MRPL14: variants seen among roughly 807,000 people sequenced by gnomAD.
MRPL14 encodes the protein large ribosomal subunit protein uL14m.
A neutral mutation model predicts 10.9 loss-of-function variants in MRPL14; 8 were observed. The ratio of observed to expected loss-of-function variants is 0.74; its 90% CI spans 0.43 to 1.33. The LOEUF (loss-of-function observed/expected upper bound fraction) is 1.33, where lower values mean the gene tolerates loss of function less well. Among genes scored for constraint, MRPL14 ranks in the 40% most tolerant of loss-of-function variants. MRPL14 has a pLI of 0.01. For synonymous variants in MRPL14, 82 were observed against 74.1 expected, an observed-to-expected ratio of 1.11 and a Z score of -0.54; for missense variants, 179 against 194.5, an observed-to-expected ratio of 0.92 and a Z score of 0.47.
chr6:44,122,631 T>C (rs1435336458), intron 1 of MRPL14, among the ~76,000 whole-genome samples: 3 of 152,126 alleles, frequency 2.0e-5, no homozygotes, highest in Non-Finnish European at 2.9e-5. Context: ...TACTTAGATA[T>C]GATAGAAAAA....
chr6:44,120,819 G>A (rs1005898890), intron 1 of MRPL14, among the ~76,000 whole-genome samples: 6 of 152,238 alleles, frequency 3.9e-5, no homozygotes, highest in East Asian at 1.9e-4. Context: ...ATCCAGAAAC[G>A]GCAGAGCTCT....
At chr6:44,115,385 C>G (rs1469614630) in intron 2 of MRPL14, among the ~76,000 whole-genome samples, 1 of 152,156 alleles carries the variant, frequency 6.6e-6, no homozygotes. Flanking sequence ...TGCAAACCTC[C>G]GCCTGCTGCT....
rs551186506 is a variant in MRPL14, at chr6:44,120,964, C to T, written c.-18-4335G>A. ...CCTCCTGGGCCTGGTGCCTACACTG[C>T]CTACTATGGAAAATGCCTGATCCCA... is the stretch of plus-strand genomic sequence containing the variant. On this transcript the variant is annotated intron_variant, in intron 1 of 2. Transcript: ENST00000372014. 8.5e-5 allele frequency among the ~76,000 whole-genome samples: 13 copies of T among 152,248 alleles called. No homozygotes were observed. The South Asian group carries it at 2.5e-3, about 29-fold the overall frequency.
rs141941221 is a variant in MRPL14, at chr6:44,114,029, C to T, written c.252G>A (p.Ala84=). ...CAGGCATGCAGTGCCCCACAATGAG[C>T]GCCTTTTTCTTCTGTCCCTTGATGG... is the stretch of plus-strand genomic sequence containing the variant. ...LLAIKGQKKK[A]LIVGHCMPGP... is the part of the protein sequence containing the mutation. Residue 84 remains alanine (A), a synonymous_variant, in exon 3 of 3, where the codon GCG becomes GCA. Transcript: ENST00000372014. The T allele has an allele frequency of 2.4e-5, 39 of 1,614,174 alleles. No homozygotes were observed. Among genetic ancestry groups the T allele is most frequent in the Middle Eastern group, 1.7e-4 (1 of 6,060 alleles).
At chr6:44,121,309 C>G (rs773307331) in intron 1 of MRPL14, among the ~76,000 whole-genome samples, 30 of 132,522 alleles carry the variant, frequency 2.3e-4, no homozygotes, top group Non-Finnish European at 3.6e-4. Context: ...GTATTACCCT[C>G]CTGTTTTAGA....
intron 1 of MRPL14, among the ~76,000 whole-genome samples, chr6:44,123,188 G>T (rs1776617373): frequency 2.0e-5 from 3 of 152,168 alleles, no homozygotes; most frequent in Admixed American, 2.0e-4. Flanking sequence ...AAATAGTTCT[G>T]CAGGCTCCAC....
In MRPL14 at chr6:44,127,366, C is replaced by G. The variant is rs949220458; in HGVS notation, c.-41G>C. The G allele has an allele frequency of 1.3e-5, 2 of 152,576 alleles. No homozygotes were observed. Among genetic ancestry groups the G allele is most frequent in the African/African-American group, 4.8e-5 (2 of 41,400 alleles). 9.5% of individuals were successfully genotyped at this position (152,576 alleles called of 1,614,324 possible). A position where few individuals can be genotyped will look rare whatever the true frequency, so the allele number is the denominator to read the frequency against. On this transcript the variant is annotated 5_prime_UTR_variant, in exon 1 of 3. Transcript: ENST00000372014. ...TACCGCTCTCGCCGCCCGGGAAAAT[C>G]CCGCCGCGGGCCCCACCAGCCAAGC...
chr6:44,125,179 C>T (rs6934109), intron 1 of MRPL14, among the ~76,000 whole-genome samples: 1,629 of 152,226 alleles, frequency 0.011, 34 homozygotes, highest in African/African-American at 0.037. Context: ...TCAAGGATTC[C>T]ACAAGGCACT....
At chr6:44,118,548 A>G (rs146356763) in intron 1 of MRPL14, among the ~76,000 whole-genome samples, 224 of 152,306 alleles carry the variant, frequency 1.5e-3, no homozygotes, top group African/African-American at 5.0e-3. Flanking sequence ...TTCACAGGAG[A>G]GCCCTGGGTG....
rs2128201649 is a variant in MRPL14 at position 44,123,603 on chromosome 6, C to G, written c.-19+3741G>C. 2.0e-5 allele frequency among the ~76,000 whole-genome samples: 3 copies of G among 152,346 alleles called. No homozygotes were observed. In the East Asian group the frequency reaches 5.8e-4, roughly 29 times the overall value. On this transcript the variant is annotated intron_variant, in intron 1 of 2. Coordinates refer to ENST00000372014, the MANE Select transcript of MRPL14 (RefSeq NM_032111.4). ...ATAGCATGATCAGCTGTTTCCACCACAGCTACCACTTAGAAAACCCCATTT... is the reference window on the plus strand; with the variant it reads ...ATAGCATGATCAGCTGTTTCCACCAGAGCTACCACTTAGAAAACCCCATTT...
At chr6:44,119,739 G>A (rs1369448263) in intron 1 of MRPL14, among the ~76,000 whole-genome samples, 1 of 152,120 alleles carries the variant, frequency 6.6e-6, no homozygotes, top group African/African-American at 2.4e-5. Context: ...CTTCTGAAAA[G>A]CAGAGTCCTT....
At chr6:44,114,378 T>A (rs983227837) in intron 2 of MRPL14, among the ~76,000 whole-genome samples, 169 bp from the exon 3 acceptor site, 1 of 152,230 alleles carries the variant, frequency 6.6e-6, no homozygotes, top group Non-Finnish European at 1.5e-5. Context: ...GACTTATCTG[T>A]ACCCACAACA....
At chr6:44,122,878 A>G (rs957224193) in intron 1 of MRPL14, among the ~76,000 whole-genome samples, 4 of 152,228 alleles carry the variant, frequency 2.6e-5, no homozygotes, top group African/African-American at 9.6e-5. Flanking sequence ...CTGTCCTGTC[A>G]TGCAAACACA....
intron 1 of MRPL14, among the ~76,000 whole-genome samples, chr6:44,118,891 G>A (rs1776128935): frequency 6.6e-6 from 1 of 152,172 alleles, no homozygotes; most frequent in Non-Finnish European, 1.5e-5. Context: ...TTGAATCCAG[G>A]AGGTGGAAGT....
intron 1 of MRPL14, among the ~76,000 whole-genome samples, chr6:44,121,933 T>C (rs1371344883): frequency 3.4e-5 from 3 of 88,666 alleles, no homozygotes; most frequent in South Asian, 3.3e-4. Context: ...AGTAAGACTG[T>C]CTCAAAAAAA....
Position 44,114,221 on chromosome 6 carries a change from A to G in MRPL14, c.72-12T>C, listed in dbSNP as rs1360379477. 1.4e-6 allele frequency: 2 copies of G among 1,453,756 alleles called. No individual in the cohort carries two copies. Among genetic ancestry groups the G allele is most frequent in the Non-Finnish European group, 1.9e-6 (2 of 1,079,850 alleles). 90.1% of individuals were successfully genotyped at this position (1,453,756 alleles called of 1,614,324 possible). On this transcript the variant is annotated splice_polypyrimidine_tract_variant and intron_variant, in intron 2 of 2. Coordinates refer to ENST00000372014, the MANE Select transcript of MRPL14 (RefSeq NM_032111.4). ...GACTCCCAGTGGTGCTGGTGGGAGG[A>G]AAAAAAAAAGTCTGCAGTCTGTATC... is the stretch of plus-strand genomic sequence containing the variant.
rs954394655 is a variant in MRPL14 at position 44,116,642 on chromosome 6, C to A, written c.-18-13G>T. 1 of 1,603,732 alleles carries A rather than the reference C, an allele frequency of 6.2e-7. No homozygotes were observed. Among genetic ancestry groups the A allele is most frequent in the Admixed American group, 1.7e-5 (1 of 59,716 alleles). On this transcript the variant is annotated splice_polypyrimidine_tract_variant and intron_variant, in intron 1 of 2. Coordinates refer to ENST00000372014, the MANE Select transcript of MRPL14 (RefSeq NM_032111.4). ...CCCAAGATAGATCCTGCAGGAAAAA[C>A]GAGAGGGGGAAAAATTGGTTTCTAA...
chr6:44,124,251 T>C (rs1164876677), intron 1 of MRPL14, among the ~76,000 whole-genome samples: 1 of 152,102 alleles, frequency 6.6e-6, no homozygotes, highest in Non-Finnish European at 1.5e-5. Context: ...ATATATCTCT[T>C]TCACTCCATC....
rs1205225099 is a variant in MRPL14, at chr6:44,114,049, T to G, written c.232A>C (p.Lys78Gln). 1 of 1,614,094 alleles carries G rather than the reference T, an allele frequency of 6.2e-7. No individual in the cohort carries two copies. Among genetic ancestry groups the G allele is most frequent in the Non-Finnish European group, 8.5e-7 (1 of 1,180,044 alleles). Residue 78 changes from lysine (K) to glutamine (Q), a missense_variant, in exon 3 of 3, where the codon AAG (lysine) becomes CAG (glutamine). By Grantham distance (53) the Lys-to-Gln change is moderately conservative. Coordinates refer to ENST00000372014, the MANE Select transcript of MRPL14 (RefSeq NM_032111.4). ...KVGDQILLAIKGQKKKALIVG... is the reference protein window; with the variant it reads ...KVGDQILLAIQGQKKKALIVG... Reference sequence around the variant, plus strand: ...ATGAGCGCCTTTTTCTTCTGTCCCTTGATGGCCAGTAGTATCTGGTCGCCC... The same window carrying G: ...ATGAGCGCCTTTTTCTTCTGTCCCTGGATGGCCAGTAGTATCTGGTCGCCC...
Sources: gnomAD v4.1 joint callset for allele counts (sites outside exome capture counted in the v4.1 genomes callset) on GRCh38, gnomAD v4.1.1 for gene constraint, MANE v1.5 for transcripts, NCBI Gene and HGNC (gene_info 2026-07-23, HGNC 2026-07-21) for gene names.